DLG2: variants seen among roughly 807,000 people sequenced by gnomAD.
DLG2 encodes discs large MAGUK scaffold protein 2, also known as disks large homolog 2.
DLG2 carries 45 observed loss-of-function variants against 132.5 expected under a neutral mutation model. The ratio of observed to expected loss-of-function variants is 0.34; its 90% confidence interval spans 0.27 to 0.44. The LOEUF is 0.44. DLG2 is among the 20% of genes least tolerant of loss of function. The pLI, the probability that DLG2 is intolerant of heterozygous loss-of-function variation, is 1.00. For synonymous variants in DLG2, 424 were observed against 419.6 expected (o/e 1.01, Z -0.13); for missense variants, 1,045 against 1,196.9 (o/e 0.87, Z 1.87).
intron 7 of DLG2, among the ~76,000 whole-genome samples, chr11:84,365,448 T>C (rs576309280): frequency 1.3e-5 from 2 of 152,232 alleles, no homozygotes; most frequent in African/African-American, 2.4e-5. Context: ...TTTGTTGATC[T>C]TTTCAAAAAA....
At chr11:85,392,392 C>G (rs2086877470) in intron 3 of DLG2, among the ~76,000 whole-genome samples, 1 of 151,220 alleles carries the variant, frequency 6.6e-6, no homozygotes. Flanking sequence ...AATGCAATTC[C>G]TATCAAAATA....
At chr11:85,192,346 A>G (rs1454658425) in intron 4 of DLG2, among the ~76,000 whole-genome samples, 1 of 152,250 alleles carries the variant, frequency 6.6e-6, no homozygotes, top group African/African-American at 2.4e-5. Context: ...CTTCAGCTAA[A>G]TTAAATTAAT....
intron 14 of DLG2, among the ~76,000 whole-genome samples, chr11:83,948,559 A>T (rs556379364): frequency 6.6e-6 from 1 of 152,248 alleles, no homozygotes; most frequent in African/African-American, 2.4e-5. Flanking sequence ...CTAGCTTGAA[A>T]CAGAGAGAAA....
chr11:85,276,443 C>G (rs939121577), intron 4 of DLG2, among the ~76,000 whole-genome samples: 4 of 152,144 alleles, frequency 2.6e-5, no homozygotes, highest in Admixed American at 2.6e-4. Flanking sequence ...TCTCTCCGGT[C>G]TCCATAATGA....
chr11:85,458,798 A>T (rs1267034184), intron 3 of DLG2, among the ~76,000 whole-genome samples: 1 of 152,048 alleles, frequency 6.6e-6, no homozygotes, highest in African/African-American at 2.4e-5. Flanking sequence ...TTTCCTCATG[A>T]TTGCAGCCAT....
At chr11:84,131,121 A>G (rs940601399) in intron 9 of DLG2, among the ~76,000 whole-genome samples, 2 of 151,968 alleles carry the variant, frequency 1.3e-5, no homozygotes, top group African/African-American at 2.4e-5. Context: ...TAGAGAAAAC[A>G]TAAGTGGTAA....
intron 6 of DLG2, among the ~76,000 whole-genome samples, chr11:84,585,206 G>T (rs36100848): frequency 0.01 from 1,578 of 152,008 alleles, 25 homozygotes; most frequent in African/African-American, 0.035. Flanking sequence ...ATATATAATT[G>T]TCCCAGCACT....
chr11:83,461,951 G>T, intron 27 of DLG2, 51 bp downstream of exon 27: 3 of 1,283,596 alleles, frequency 2.3e-6, no homozygotes, highest in Non-Finnish European at 2.3e-6. Context: ...TGTGCCAAAT[G>T]TCAGACAATT....
chr11:84,547,188 G>C (rs2099391719), intron 6 of DLG2, among the ~76,000 whole-genome samples: 1 of 152,126 alleles, frequency 6.6e-6, no homozygotes, highest in South Asian at 2.1e-4. Context: ...CTTAGTAGAA[G>C]TTATGATTGT....
At chr11:85,175,986 AT>A (rs1287832142) in intron 4 of DLG2, among the ~76,000 whole-genome samples, 2 of 152,252 alleles carry the variant, frequency 1.3e-5, no homozygotes, top group East Asian at 3.8e-4. Context: ...ATGAAAAAAC[AT>A]TCCATGCTCA....
At chr11:84,029,686 C>T (rs571039424) in intron 11 of DLG2, among the ~76,000 whole-genome samples, 2 of 152,242 alleles carry the variant, frequency 1.3e-5, no homozygotes, top group Admixed American at 1.3e-4. Context: ...TGTCTTCTGG[C>T]CCACTTATCT....
At chr11:85,109,564 T>C (rs569705159) in intron 6 of DLG2, among the ~76,000 whole-genome samples, 1 of 152,252 alleles carries the variant, frequency 6.6e-6, no homozygotes, top group South Asian at 2.1e-4. Context: ...GACAGAATCC[T>C]AATTATGCAA....
At chr11:83,540,725 G>A (rs2096042218) in intron 20 of DLG2, among the ~76,000 whole-genome samples, 1 of 152,226 alleles carries the variant, frequency 6.6e-6, no homozygotes, top group Admixed American at 6.5e-5. Flanking sequence ...GCTTCACTGG[G>A]AATATTTTAC....
intron 8 of DLG2, among the ~76,000 whole-genome samples, chr11:84,208,990 C>T (rs1238770157): frequency 6.6e-6 from 1 of 152,010 alleles, no homozygotes; most frequent in Non-Finnish European, 1.5e-5. Context: ...TATATGCACC[C>T]AAATTAATAG....
At chr11:85,072,277 A>T (rs1305332763) in intron 6 of DLG2, among the ~76,000 whole-genome samples, 1 of 151,796 alleles carries the variant, frequency 6.6e-6, no homozygotes, top group Non-Finnish European at 1.5e-5. Flanking sequence ...CAGCATCACC[A>T]CCACTTCAAT....
rs116936462 is a variant in DLG2, at chr11:84,331,568, C to T, written c.520-80277G>A. ...GTCAAACTTGATGGAGGAGGTGGGT[C>T]GGCAGGGGAGGTGGGCAGTGGGAGA... On this transcript the variant is annotated intron_variant, in intron 7 of 27. Coordinates refer to ENST00000376104, the MANE Select transcript of DLG2 (RefSeq NM_001142699.3). 7.1e-3 allele frequency among the ~76,000 whole-genome samples: 660 copies of T among 92,738 alleles called. 12 individuals carry two copies. The East Asian group carries it at 0.096, about 13-fold the overall frequency. The allele number at this position is 92,738 out of a possible 152,430, so 60.8% of individuals were successfully genotyped here.
chr11:84,551,330 A>G (rs1207629927), intron 6 of DLG2, among the ~76,000 whole-genome samples: 1 of 152,182 alleles, frequency 6.6e-6, no homozygotes, highest in South Asian at 2.1e-4. Context: ...GATGCTTAAT[A>G]TGCAACTTAA....
intron 9 of DLG2, among the ~76,000 whole-genome samples, chr11:84,117,760 A>C (rs2093703858): frequency 6.6e-6 from 1 of 152,244 alleles, no homozygotes; most frequent in African/African-American, 2.4e-5. Context: ...GCTGGCATAT[A>C]ATAAATATGC....
At position 84,994,997 on chromosome 11, in the gene DLG2, A is replaced by G. The variant is rs1280293500; in HGVS notation, c.357+116664T>C. On this transcript the variant is annotated intron_variant, in intron 6 of 27. Coordinates refer to ENST00000376104, the MANE Select transcript of DLG2 (RefSeq NM_001142699.3). ...TCATCTGGAGACTTCTGAATGCAAG[A>G]AATCTCCTAGGAGACCCATGCTAAG... 2.0e-5 allele frequency among the ~76,000 whole-genome samples: 3 copies of G among 152,170 alleles called. No homozygotes were observed. The East Asian group carries it at 5.8e-4, about 29-fold the overall frequency.
Sources: gnomAD v4.1 joint callset for allele counts (sites outside exome capture counted in the v4.1 genomes callset) on GRCh38, gnomAD v4.1.1 for gene constraint, MANE v1.5 for transcripts, NCBI Gene and HGNC (gene_info 2026-07-23, HGNC 2026-07-21) for gene names.